BRWD3: variants seen among roughly 807,000 people sequenced by gnomAD.
BRWD3 encodes the protein bromodomain and WD repeat-containing protein 3.
Under a neutral mutation model 149.7 loss-of-function variants are expected in BRWD3, and 10 were observed. The observed-to-expected ratio is 0.07, with a 90% CI of 0.04 to 0.11. BRWD3 has a LOEUF of 0.11. BRWD3 is among the 10% of genes least tolerant of loss of function. The pLI is 1.00. For missense variants in BRWD3, 940 were observed against 1,373.2 expected (o/e 0.68, Z 4.99); for synonymous variants, 504 against 456.7 (o/e 1.10, Z -1.32).
chrX:80,684,190 C>T (rs988248729), intron 36 of BRWD3, 28 bp from the exon 37 acceptor site: 5 of 1,152,623 alleles, frequency 4.3e-6, no homozygotes, highest in Non-Finnish European at 5.9e-6. Context: ...TTATTAAATA[C>T]TGTATAGCAA....
At chrX:80,735,040 A>C in intron 10 of BRWD3, 87 bp downstream of exon 10, 1 of 825,308 alleles carries the variant, frequency 1.2e-6, no homozygotes, top group Non-Finnish European at 1.8e-6. Flanking sequence ...TAACACTCAA[A>C]TGTGTATCTT....
chrX:80,724,390 T>C (rs926033245), intron 15 of BRWD3, among the ~76,000 whole-genome samples: 3 of 111,507 alleles, frequency 2.7e-5, no homozygotes, highest in Non-Finnish European at 5.7e-5. Flanking sequence ...AAGAGGATAT[T>C]AGTATTTCCA....
At chrX:80,728,719 C>T (rs1161622781) in intron 14 of BRWD3, 33 bp downstream of exon 14, 1 of 1,133,954 alleles carries the variant, frequency 8.8e-7, no homozygotes, top group Non-Finnish European at 1.2e-6. Context: ...TGCTTTTTGA[C>T]CATTTTAATT....
chrX:80,800,104 A>C (rs1406951599), intron 4 of BRWD3, among the ~76,000 whole-genome samples: 1 of 110,045 alleles, frequency 9.1e-6, no homozygotes, highest in Non-Finnish European at 1.9e-5. Flanking sequence ...TTAAGGGTTC[A>C]TGTCCAGTTT....
rs2072365346 is a variant in BRWD3, at chrX:80,676,331, TCGTG to T, written c.*274_*277del. The T allele has an allele frequency of 1.7e-5, 5 of 301,744 alleles. No homozygotes were observed. The highest frequency in any genetic ancestry group is 2.3e-5 in the Non-Finnish European group (4 of 172,333). 24.9% of individuals were successfully genotyped at this position (301,744 alleles called of 1,213,427 possible). On this transcript the variant is annotated 3_prime_UTR_variant, in exon 41 of 41. Coordinates refer to ENST00000373275, the MANE Select transcript of BRWD3 (RefSeq NM_153252.5). ...AAATCTGTAGTGTCTGTGTTGTGTT[TCGTG>T]TGTGTGTGTCTGTGTGTGTGTATGT...
intron 21 of BRWD3, among the ~76,000 whole-genome samples, 178 bp downstream of exon 21, chrX:80,709,250 A>G (rs1350196021): frequency 9.0e-6 from 1 of 111,642 alleles, no homozygotes; most frequent in African/African-American, 3.3e-5. Flanking sequence ...AATCCAAGAC[A>G]TCTAAATGAA....
chrX:80,712,301 G>A (rs772508096), intron 20 of BRWD3, among the ~76,000 whole-genome samples: 123 of 104,199 alleles, frequency 1.2e-3, no homozygotes, highest in African/African-American at 3.1e-3. Context: ...GGCACGCGCC[G>A]CCACACCTGA....
chrX:80,788,278 T>C (rs1183022642), intron 6 of BRWD3, among the ~76,000 whole-genome samples: 4 of 109,667 alleles, frequency 3.6e-5, no homozygotes, highest in Non-Finnish European at 1.9e-5. Context: ...TTTAAAAAGA[T>C]GGGGGCAGGG....
intron 26 of BRWD3, 137 bp from the exon 27 acceptor site, chrX:80,696,127 C>T (rs2072687871): frequency 3.9e-6 from 2 of 513,463 alleles, no homozygotes; most frequent in South Asian, 3.0e-5. Context: ...AATGCCTTTA[C>T]TTAAACATCA....
At position 80,733,978 on chromosome X, in the gene BRWD3, T is replaced by C. The variant is rs933768256; in HGVS notation, c.1086+140A>G. 5 of 497,020 alleles carry C rather than the reference T, an allele frequency of 1.0e-5. No individual in the cohort carries two copies. In the African/African-American group the frequency reaches 1.2e-4, roughly 12 times the overall value. The allele number at this position is 497,020 out of a possible 1,213,427, so 41.0% of individuals were successfully genotyped here. ...CCCATACTTTTACAAGTATAGTATG[T>C]ATAGTAGTAATGACAAGAGTAAAGT... On this transcript the variant is annotated intron_variant, in intron 11 of 40. Coordinates refer to ENST00000373275, the MANE Select transcript of BRWD3 (RefSeq NM_153252.5).
rs200785065 is a variant in BRWD3, at chrX:80,681,471, T to G, written c.4524A>C (p.Leu1508=). The G allele has an allele frequency of 1.7e-6, 2 of 1,205,870 alleles. No individual in the cohort carries two copies. Among genetic ancestry groups the G allele is most frequent in the African/African-American group, 3.5e-5 (2 of 56,994 alleles). ...PVSDAAEGLS[L]YLLDDEPDGP... Reference sequence around the variant, plus strand: ...CATCTGGCTCATCATCAAGTAGATATAGTGAAAGCCCTTCAGCAGCATCTG... The same window carrying G: ...CATCTGGCTCATCATCAAGTAGATAGAGTGAAAGCCCTTCAGCAGCATCTG... The change falls in exon 40 of 41, where the codon CTA becomes CTC. Residue 1508 remains leucine, a synonymous_variant. Transcript: ENST00000373275.
intron 34 of BRWD3, among the ~76,000 whole-genome samples, chrX:80,687,478 C>A (rs1363731596): frequency 9.0e-6 from 1 of 110,652 alleles, no homozygotes; most frequent in African/African-American, 3.3e-5. Context: ...AATATATTGT[C>A]CCTTATATAA....
At position 80,682,004 on chromosome X, in the gene BRWD3, T is replaced by C; in HGVS notation, c.4488A>G (p.Ser1496=). Residue 1496 remains serine, a synonymous_variant, in exon 39 of 41, where the codon TCA becomes TCG. Coordinates refer to ENST00000373275, the MANE Select transcript of BRWD3 (RefSeq NM_153252.5). ...AACAAAAGACATATTTACCAGGAGA[T>C]GAGAAAGGAGAGCTAGTCCTGGCAT... The part of the protein sequence containing the change: ...VSHARTSSPF[S]SPVSDAAEGL... 8.3e-7 allele frequency: 1 copy of C among 1,201,006 alleles called. No homozygotes were observed. The highest frequency in any genetic ancestry group is 1.1e-6 in the Non-Finnish European group (1 of 886,151).
chrX:80,699,935 C>A (rs773237783), intron 25 of BRWD3, 22 bp downstream of exon 25: 3 of 1,133,137 alleles, frequency 2.6e-6, no homozygotes, highest in East Asian at 6.0e-5. Flanking sequence ...CATTGCATAG[C>A]TTATGAATTT....
At position 80,758,552 on chromosome X, in the gene BRWD3, T is replaced by C. The variant is rs758835199; in HGVS notation, c.431-12823A>G. On this transcript the variant is annotated intron_variant, in intron 6 of 40. Coordinates refer to ENST00000373275, the MANE Select transcript of BRWD3 (RefSeq NM_153252.5). The stretch of plus-strand genomic sequence containing the variant: ...TTTCCAGGAATGGCCAATTCATATG[T>C]ACAGCTGCTCTAATTAGGGGAGACT... Among the ~76,000 whole-genome samples the C allele has an allele frequency of 2.2e-3, 242 of 111,634 alleles. 1 individual carries two copies. The highest frequency in any genetic ancestry group is 4.6e-3 in the Middle Eastern group (1 of 219).
rs5913313 is a variant in BRWD3 at position 80,676,345 on chromosome X, C to T, written c.*264G>A. The T allele has an allele frequency of 2.9e-6, 1 of 342,670 alleles. No homozygotes were observed. Among genetic ancestry groups the T allele is most frequent in the African/African-American group, 2.7e-5 (1 of 37,260 alleles). 28.2% of individuals were successfully genotyped at this position (342,670 alleles called of 1,213,427 possible). A position where few individuals can be genotyped will look rare whatever the true frequency, so the allele number is the denominator to read the frequency against. ...TGTGTTGTGTTTCGTGTGTGTGTGT[C>T]TGTGTGTGTGTATGTGTGTGTATGT... is the stretch of plus-strand genomic sequence containing the variant. On this transcript the variant is annotated 3_prime_UTR_variant, in exon 41 of 41. Transcript: ENST00000373275.
intron 20 of BRWD3, among the ~76,000 whole-genome samples, chrX:80,711,230 T>C (rs763792478): frequency 8.9e-6 from 1 of 111,873 alleles, no homozygotes; most frequent in East Asian, 2.8e-4. Flanking sequence ...AGATTAACAT[T>C]GAGGGCTAAA....
intron 17 of BRWD3, among the ~76,000 whole-genome samples, chrX:80,722,139 C>T (rs1451446878): frequency 1.8e-5 from 2 of 112,130 alleles, no homozygotes; most frequent in African/African-American, 3.2e-5. Flanking sequence ...TGAGCCACCG[C>T]GCCTGGCCAG....
At chrX:80,769,105 A>C (rs1178463557) in intron 6 of BRWD3, among the ~76,000 whole-genome samples, 10 of 110,993 alleles carry the variant, frequency 9.0e-5, no homozygotes, top group Non-Finnish European at 1.9e-4. Flanking sequence ...GTCCTTAGAG[A>C]CCTACAAAGA....
Sources: gnomAD v4.1 joint callset for allele counts (sites outside exome capture counted in the v4.1 genomes callset) on GRCh38, gnomAD v4.1.1 for gene constraint, MANE v1.5 for transcripts, NCBI Gene and HGNC (gene_info 2026-07-23, HGNC 2026-07-21) for gene names.